Variants in DIAPH2 observed in about 807,000 individuals in gnomAD.
The protein encoded by DIAPH2 is protein diaphanous homolog 2.
A neutral mutation model predicts 92.7 loss-of-function variants in DIAPH2; 35 were observed. The observed-to-expected ratio is 0.38, with a 90% CI of 0.29 to 0.50. The LOEUF (loss-of-function observed/expected upper bound fraction) is 0.50, where lower values mean the gene tolerates loss of function less well. Among genes scored for constraint, DIAPH2 ranks in the 20% least tolerant of loss-of-function variants. The pLI is 0.94. For synonymous variants in DIAPH2, 301 were observed against 280.4 expected, an observed-to-expected ratio of 1.07 and a Z score of -0.73; for missense variants, 701 against 819.5, an observed-to-expected ratio of 0.86 and a Z score of 1.77.
intron 9 of DIAPH2, among the ~76,000 whole-genome samples, chrX:96,925,944 T>C (rs2065578364): frequency 8.9e-6 from 1 of 111,972 alleles, no homozygotes; most frequent in African/African-American, 3.2e-5. Flanking sequence ...ATCTTTCTTC[T>C]CTCATACTTT....
At chrX:96,979,737 T>G (rs1361170917) in intron 17 of DIAPH2, among the ~76,000 whole-genome samples, 1 of 112,403 alleles carries the variant, frequency 8.9e-6, no homozygotes, top group Non-Finnish European at 1.9e-5. Flanking sequence ...TATACTTAGT[T>G]TCATTGCACT....
chrX:97,599,132 T>G (rs961985192), intron 26 of DIAPH2, 121 bp from the exon 27 acceptor site: 1 of 397,386 alleles, frequency 2.5e-6, no homozygotes, highest in Non-Finnish European at 4.2e-6. Flanking sequence ...GTTACTTATT[T>G]ACATTTTCAT....
intron 22 of DIAPH2, among the ~76,000 whole-genome samples, chrX:97,184,373 G>A (rs886397599): frequency 1.8e-5 from 2 of 111,913 alleles, no homozygotes; most frequent in African/African-American, 3.2e-5. Context: ...ATGTATGTAC[G>A]TGTAGATACA....
At chrX:96,851,247 G>A (rs1010369035) in intron 4 of DIAPH2, among the ~76,000 whole-genome samples, 5 of 111,534 alleles carry the variant, frequency 4.5e-5, no homozygotes, top group Admixed American at 9.5e-5. Context: ...GACTACAGGC[G>A]CATGCCACCA....
intron 23 of DIAPH2, among the ~76,000 whole-genome samples, chrX:97,255,048 A>G: frequency 9.0e-6 from 1 of 111,626 alleles, no homozygotes; most frequent in Middle Eastern, 4.7e-3. Context: ...ATAGAGGTTC[A>G]ACCATGTACA....
chrX:96,746,189 G>A (rs1012747583), intron 3 of DIAPH2, among the ~76,000 whole-genome samples: 1 of 111,767 alleles, frequency 8.9e-6, no homozygotes, highest in Non-Finnish European at 1.9e-5. Context: ...TATGAGCCAC[G>A]GCACCTGGCT....
At chrX:96,964,755 G>A (rs1208833657) in intron 16 of DIAPH2, among the ~76,000 whole-genome samples, 1 of 111,485 alleles carries the variant, frequency 9.0e-6, no homozygotes, top group Non-Finnish European at 1.9e-5. Context: ...ACTTTTCTAA[G>A]TCTGAGTTTC....
At chrX:97,215,773 T>C (rs1421514658) in intron 22 of DIAPH2, among the ~76,000 whole-genome samples, 1 of 111,994 alleles carries the variant, frequency 8.9e-6, no homozygotes, top group African/African-American at 3.2e-5. Context: ...CATTTGCCTA[T>C]ATAGACACCA....
At chrX:97,185,397 A>ATATATATATATGTATATATATATGTGTG (rs1569323122) in intron 22 of DIAPH2, among the ~76,000 whole-genome samples, 2 of 5,497 alleles carry the variant, frequency 3.6e-4, no homozygotes, top group Admixed American at 7.1e-3. Flanking sequence ...ATATATGTGT[A>ATATATATATATGTATATATATATGTGTG]TATATATATA....
chrX:96,847,567 TGTAATAG>T (rs975082609), intron 4 of DIAPH2, among the ~76,000 whole-genome samples: 1 of 111,672 alleles, frequency 9.0e-6, no homozygotes, highest in African/African-American at 3.3e-5. Context: ...GTGCCTGTCA[TGTAATAG>T]GTCTGTCTAT....
chrX:97,340,658 G>GT (rs1197732406), intron 23 of DIAPH2, among the ~76,000 whole-genome samples: 1,717 of 95,060 alleles, frequency 0.018, 27 homozygotes, highest in African/African-American at 0.042. Flanking sequence ...TGTTTTTTTT[G>GT]TTTTTTTTTT....
intron 26 of DIAPH2, among the ~76,000 whole-genome samples, chrX:97,510,942 G>A (rs1329661425): frequency 8.3e-5 from 9 of 107,849 alleles, no homozygotes; most frequent in African/African-American, 2.0e-4. Context: ...GTCAGGTAGC[G>A]TGATGCCTCC....
chrX:97,394,391 G>T (rs756515120), intron 25 of DIAPH2, among the ~76,000 whole-genome samples: 5 of 111,853 alleles, frequency 4.5e-5, no homozygotes, highest in African/African-American at 1.6e-4. Context: ...AAGAGAAAAA[G>T]TGTATCTGGC....
intron 26 of DIAPH2, among the ~76,000 whole-genome samples, chrX:97,504,478 T>C (rs943101614): frequency 4.4e-5 from 5 of 112,643 alleles, no homozygotes; most frequent in Admixed American, 2.8e-4. Flanking sequence ...GCCTTATAAA[T>C]CTTTTTTTGT....
intron 22 of DIAPH2, among the ~76,000 whole-genome samples, chrX:97,158,642 C>T (rs1288654568): frequency 1.8e-5 from 2 of 112,261 alleles, no homozygotes; most frequent in East Asian, 2.8e-4. Flanking sequence ...CTTTGACATT[C>T]GATGGAGGGA....
At chrX:97,145,056 C>A (rs1363168515) in intron 22 of DIAPH2, among the ~76,000 whole-genome samples, 3 of 112,083 alleles carry the variant, frequency 2.7e-5, no homozygotes, top group African/African-American at 9.7e-5. Context: ...TGAGCCACCG[C>A]ACCAGGCCTG....
chrX:97,498,498 G>T (rs1378978517), intron 26 of DIAPH2, among the ~76,000 whole-genome samples: 1 of 111,104 alleles, frequency 9.0e-6, no homozygotes, highest in Non-Finnish European at 1.9e-5. Flanking sequence ...TTATGATTGG[G>T]GTCATACGAA....
intron 17 of DIAPH2, among the ~76,000 whole-genome samples, chrX:96,989,233 C>T (rs763013223): frequency 1.8e-4 from 20 of 111,832 alleles, no homozygotes; most frequent in Admixed American, 1.6e-3. Flanking sequence ...TACAAAAAAT[C>T]TTTTGTATAA....
intron 5 of DIAPH2, among the ~76,000 whole-genome samples, chrX:96,887,885 C>T (rs1284542874): frequency 1.8e-5 from 2 of 110,825 alleles, no homozygotes; most frequent in Non-Finnish European, 3.8e-5. Flanking sequence ...TAATAGTTAA[C>T]ATTTTAACAT....
Sources: gnomAD v4.1 joint callset for allele counts (sites outside exome capture counted in the v4.1 genomes callset) on GRCh38, gnomAD v4.1.1 for gene constraint, MANE v1.5 for transcripts, NCBI Gene and HGNC (gene_info 2026-07-23, HGNC 2026-07-21) for gene names.